Variants in FBXO21 observed in about 807,000 individuals in gnomAD.
FBXO21 encodes the protein F-box protein 21, also known as F-box only protein 21.
A neutral mutation model predicts 76.6 loss-of-function variants in FBXO21; 32 were observed. That is an observed-to-expected ratio of 0.42 (90% CI 0.32 to 0.56). The LOEUF (loss-of-function observed/expected upper bound fraction) is 0.56, where lower values mean the gene tolerates loss of function less well. FBXO21 is among the 20% of genes least tolerant of loss of function. The probability of loss-of-function intolerance (pLI) is 0.16; values close to 1 mark genes in which losing one functional copy is unlikely to be tolerated. For synonymous variants in FBXO21, 328 were observed against 311.5 expected (o/e 1.05, Z -0.56); for missense variants, 586 against 797.3 (o/e 0.73, Z 3.19).
chr12:117,163,546 A>C (rs996174592), intron 9 of FBXO21, among the ~76,000 whole-genome samples: 11 of 152,068 alleles, frequency 7.2e-5, no homozygotes, highest in African/African-American at 2.7e-4. Flanking sequence ...GAAAGAAACA[A>C]AAGAAAAAAG....
chr12:117,168,386 T>G (rs1956081471), intron 7 of FBXO21, among the ~76,000 whole-genome samples: 1 of 151,918 alleles, frequency 6.6e-6, no homozygotes, highest in South Asian at 2.1e-4. Context: ...TAGCTGGGCG[T>G]GGTGGTGCAT....
chr12:117,143,110 G>C lies in FBXO21; in HGVS notation c.*2977C>G, dbSNP rs565328973. 1 of 152,170 alleles carries C rather than the reference G, an allele frequency of 6.6e-6. No homozygotes were observed. Among genetic ancestry groups the C allele is most frequent in the Non-Finnish European group, 1.5e-5 (1 of 68,030 alleles). The allele number at this position is 152,170 out of a possible 1,614,324, so 9.4% of individuals were successfully genotyped here. On this transcript the variant is annotated 3_prime_UTR_variant, in exon 12 of 12. Coordinates refer to ENST00000622495, the MANE Select transcript of FBXO21 (RefSeq NM_015002.3). ...TGCAAACATGACGCCTGGCAAAACC[G>C]GTCTGATTCTAAGGTAAACTCATTT... is the stretch of plus-strand genomic sequence containing the variant.
chr12:117,181,640 T>G lies in FBXO21; in HGVS notation c.471-3999A>C, dbSNP rs976513489. ...ATCTATCTATCTATCTATCTATCTA[T>G]CTATCTAATCTAGCTATCTATCTAT... On this transcript the variant is annotated intron_variant, in intron 3 of 11. Transcript: ENST00000622495. 2.7e-5 allele frequency among the ~76,000 whole-genome samples: 4 copies of G among 149,890 alleles called. No homozygotes were observed. The East Asian group carries it at 6.0e-4, about 23-fold the overall frequency.
intron 3 of FBXO21, among the ~76,000 whole-genome samples, chr12:117,178,880 A>G (rs992103577): frequency 6.6e-6 from 1 of 152,144 alleles, no homozygotes; most frequent in Non-Finnish European, 1.5e-5. Flanking sequence ...CTCGCCCACT[A>G]CAGTATAAGC....
At chr12:117,179,815 A>G (rs112896868) in intron 3 of FBXO21, among the ~76,000 whole-genome samples, 7 of 152,218 alleles carry the variant, frequency 4.6e-5, no homozygotes, top group South Asian at 2.1e-4. Context: ...GGATACTTCT[A>G]TAAGGAAAAA....
chr12:117,152,169 C>T (rs1181493691), intron 11 of FBXO21, among the ~76,000 whole-genome samples: 6 of 152,178 alleles, frequency 3.9e-5, no homozygotes, highest in African/African-American at 1.4e-4. Flanking sequence ...AAATGTTATA[C>T]AATTTACAAG....
At chr12:117,167,957 C>G (rs942593859) in intron 7 of FBXO21, among the ~76,000 whole-genome samples, 17 of 152,264 alleles carry the variant, frequency 1.1e-4, no homozygotes, top group Admixed American at 1.0e-3. Flanking sequence ...TCGAACTGCA[C>G]TAGTATGCTG....
chr12:117,162,944 C>G (rs145218658), intron 9 of FBXO21, among the ~76,000 whole-genome samples: 1 of 152,198 alleles, frequency 6.6e-6, no homozygotes, highest in African/African-American at 2.4e-5. Flanking sequence ...ACCTGAAACC[C>G]TTCCTCTGGA....
chr12:117,152,133 G>A (rs1955850362), intron 11 of FBXO21, among the ~76,000 whole-genome samples: 1 of 152,174 alleles, frequency 6.6e-6, no homozygotes, highest in Non-Finnish European at 1.5e-5. Context: ...ACATCATACA[G>A]TTAAGGAACC....
chr12:117,188,388 T>C (rs980619006), intron 2 of FBXO21, among the ~76,000 whole-genome samples: 1 of 151,896 alleles, frequency 6.6e-6, no homozygotes, highest in African/African-American at 2.4e-5. Flanking sequence ...CTACTAAAAA[T>C]ACAAAAATTA....
chr12:117,166,301 T>C (rs973240820), intron 8 of FBXO21, among the ~76,000 whole-genome samples: 5 of 152,216 alleles, frequency 3.3e-5, no homozygotes, highest in Non-Finnish European at 7.3e-5. Context: ...CATTATGTGT[T>C]TGTGCAAACA....
chr12:117,172,717 G>T (rs1263101084), intron 6 of FBXO21, 110 bp from the exon 7 acceptor site: 13 of 1,173,230 alleles, frequency 1.1e-5, no homozygotes, highest in Non-Finnish European at 1.6e-5. Context: ...ATGCTCATTT[G>T]TGAGGCTTAA....
intron 8 of FBXO21, 151 bp downstream of exon 8, chr12:117,166,747 A>G (rs1381485238): frequency 1.0e-5 from 6 of 598,282 alleles, no homozygotes; most frequent in Non-Finnish European, 1.8e-5. Flanking sequence ...TATTCTTGTT[A>G]CTGAAGAATG....
At chr12:117,182,488 C>CA (rs907932320) in intron 3 of FBXO21, among the ~76,000 whole-genome samples, 67 of 144,820 alleles carry the variant, frequency 4.6e-4, no homozygotes, top group African/African-American at 1.3e-3. Context: ...AACCCTGTCT[C>CA]AAAAAAACAA....
At chr12:117,189,145 A>AG in intron 2 of FBXO21, 82 bp downstream of exon 2, 1 of 1,514,864 alleles carries the variant, frequency 6.6e-7, no homozygotes, top group Non-Finnish European at 9.1e-7. Context: ...AGATACGAAA[A>AG]GAGCTGGATG....
At chr12:117,176,342 A>G (rs1566005496) in intron 4 of FBXO21, among the ~76,000 whole-genome samples, 1 of 152,152 alleles carries the variant, frequency 6.6e-6, no homozygotes, top group Non-Finnish European at 1.5e-5. Flanking sequence ...GGATTATGAG[A>G]AGGAGGGATA....
At chr12:117,167,512 C>T (rs957056584) in intron 7 of FBXO21, among the ~76,000 whole-genome samples, 3 of 152,118 alleles carry the variant, frequency 2.0e-5, no homozygotes, top group African/African-American at 2.4e-5. Flanking sequence ...TTTGGGAGGC[C>T]GAGGCGGGTG....
intron 11 of FBXO21, among the ~76,000 whole-genome samples, chr12:117,153,051 T>A (rs1955862695): frequency 6.6e-6 from 1 of 152,082 alleles, no homozygotes; most frequent in South Asian, 2.1e-4. Flanking sequence ...CTGCACTGCC[T>A]GCCGATGAGA....
chr12:117,155,756 C>A (rs749105381), intron 11 of FBXO21, 35 bp downstream of exon 11: 55 of 1,593,406 alleles, frequency 3.5e-5, no homozygotes, highest in Middle Eastern at 1.7e-4. Context: ...AACACGCCCG[C>A]GGGGCCACTG....
Sources: allele counts gnomAD v4.1 joint callset (sites outside exome capture counted in the v4.1 genomes callset), GRCh38; gene constraint gnomAD v4.1.1; transcripts MANE v1.5; gene names NCBI Gene and HGNC (gene_info 2026-07-23, HGNC 2026-07-21).